NF2: variants seen among roughly 807,000 people sequenced by gnomAD.
NF2 encodes the protein NF2, moesin-ezrin-radixin like (MERLIN) tumor suppressor.
A neutral mutation model predicts 83.7 loss-of-function variants in NF2; 8 were observed. The observed-to-expected ratio is 0.10, with a 90% CI of 0.06 to 0.17. The LOEUF (loss-of-function observed/expected upper bound fraction) is 0.17, where lower values mean the gene tolerates loss of function less well. Ranked by LOEUF, NF2 falls within the 10% of genes least tolerant of loss-of-function variation. The pLI, the probability that NF2 is intolerant of heterozygous loss-of-function variation, is 1.00. For synonymous variants in NF2, 266 were observed against 269.6 expected, an observed-to-expected ratio of 0.99 and a Z score of 0.13; for missense variants, 533 against 744.4, an observed-to-expected ratio of 0.72 and a Z score of 3.31.
chr22:29,662,765 A>G lies in NF2; in HGVS notation c.810+1426A>G, dbSNP rs149129654. Among the ~76,000 whole-genome samples the G allele has an allele frequency of 1.5e-3, 236 of 152,370 alleles. 3 individuals carry two copies. In the East Asian group the frequency reaches 0.036, roughly 23 times the overall value. On this transcript the variant is annotated intron_variant, in intron 8 of 15. Transcript: ENST00000338641. ...AGTGAAGTAGCAGAGATTAGGAGCCAGAGTTGCTGATGCCACAGCCCCCGC... is the reference window on the plus strand; with the variant it reads ...AGTGAAGTAGCAGAGATTAGGAGCCGGAGTTGCTGATGCCACAGCCCCCGC...
At chr22:29,689,388 G>A (rs1031548379) in intron 15 of NF2, among the ~76,000 whole-genome samples, 3 of 151,896 alleles carry the variant, frequency 2.0e-5, no homozygotes, top group African/African-American at 4.8e-5. Context: ...CTGTGGATCC[G>A]GTGCCAGAGG....
intron 1 of NF2, among the ~76,000 whole-genome samples, chr22:29,624,809 CTTTCTTTCTTTCTT>C: frequency 1.3e-5 from 1 of 78,452 alleles, no homozygotes; most frequent in East Asian, 3.6e-4. Flanking sequence ...CTCTTTCTTT[CTTTCTTTCTTTCTT>C]TCTTTCTTTC....
chr22:29,626,556 G>A (rs1020993434), intron 1 of NF2, among the ~76,000 whole-genome samples: 2 of 152,102 alleles, frequency 1.3e-5, no homozygotes, highest in African/African-American at 4.8e-5. Flanking sequence ...TTAATCAAAA[G>A]GTCAAGCTAG....
intron 14 of NF2, among the ~76,000 whole-genome samples, chr22:29,680,257 G>T (rs2530677): frequency 6.6e-6 from 1 of 151,914 alleles, no homozygotes; most frequent in Non-Finnish European, 1.5e-5. Context: ...GATTACAGGC[G>T]CATGCTATCA....
intron 1 of NF2, among the ~76,000 whole-genome samples, chr22:29,606,538 C>G (rs1319063578): frequency 1.3e-5 from 2 of 152,230 alleles, no homozygotes; most frequent in East Asian, 3.8e-4. Flanking sequence ...CAGATAGCTC[C>G]TAATCTCTTT....
chr22:29,626,043 T>C (rs2065358248), intron 1 of NF2, among the ~76,000 whole-genome samples: 1 of 152,194 alleles, frequency 6.6e-6, no homozygotes, highest in African/African-American at 2.4e-5. Flanking sequence ...TGGTTTTAAA[T>C]TCACCAACAG....
At chr22:29,649,732 G>T (rs554350922) in intron 4 of NF2, among the ~76,000 whole-genome samples, 3 of 148,884 alleles carry the variant, frequency 2.0e-5, no homozygotes, top group South Asian at 4.2e-4. Context: ...GACAGAGTGA[G>T]ACTCTGTCTG....
intron 1 of NF2, among the ~76,000 whole-genome samples, chr22:29,611,784 T>G (rs1433876340): frequency 6.6e-6 from 1 of 152,152 alleles, no homozygotes; most frequent in African/African-American, 2.4e-5. Flanking sequence ...ATTAGTTTAG[T>G]AAGGTTATAG....
rs2067483194 is a variant in NF2 at position 29,694,222 on chromosome 22, C to T, written c.1738-530C>T. Among the ~76,000 whole-genome samples the T allele has an allele frequency of 6.6e-6, 1 of 152,212 alleles. No individual in the cohort carries two copies. Among genetic ancestry groups the T allele is most frequent in the Non-Finnish European group, 1.5e-5 (1 of 68,036 alleles). On this transcript the variant is annotated intron_variant, in intron 15 of 15. Transcript: ENST00000338641. The surrounding 1 kb of genome is among the most constrained non-coding windows in gnomAD (Gnocchi z 4.1). ...CGTCATGAGCAAGTTTGCTTCGGGA[C>T]CACCTGGGAAACCAGGAGTAGAAGG...
chr22:29,692,245 C>T (rs573211512), intron 15 of NF2, among the ~76,000 whole-genome samples: 9 of 152,316 alleles, frequency 5.9e-5, no homozygotes, highest in Non-Finnish European at 1.5e-5. Flanking sequence ...TCTCTCCTGC[C>T]CAGTGGCTGT....
At position 29,678,213 on chromosome 22, in the gene NF2, A is replaced by T; in HGVS notation, c.1464A>T (p.Pro488=). 1.9e-6 allele frequency: 3 copies of T among 1,614,126 alleles called. No individual in the cohort carries two copies. Among genetic ancestry groups the T allele is most frequent in the Non-Finnish European group, 2.5e-6 (3 of 1,179,982 alleles). The change falls in exon 14 of 16, where the codon CCA becomes CCT. Residue 488 remains proline, a synonymous_variant. Transcript: ENST00000338641. ...KPTYPPMNPI[P]APLPPDIPSF... is the part of the protein sequence containing the mutation. ...ATTAACAGCCCATGAACCCAATTCC[A>T]GCACCGTTGCCTCCTGACATACCAA...
Position 29,695,209 on chromosome 22 carries a change from C to A in NF2, c.*407C>A, listed in dbSNP as rs994499826. On this transcript the variant is annotated 3_prime_UTR_variant, in exon 16 of 16. Transcript: ENST00000338641. This position sits in a 1 kb window ranked among gnomAD's most constrained non-coding sequence, Gnocchi z 5.4. The stretch of plus-strand genomic sequence containing the variant: ...AGAAGCCAGTGCCATCATCCCCACC[C>A]CGCCCAGGGTTCCGGAACATTCATT... 2.6e-6 allele frequency: 1 copy of A among 390,592 alleles called. No individual in the cohort carries two copies. The highest frequency in any genetic ancestry group is 3.1e-5 in the South Asian group (1 of 31,872). 24.2% of individuals were successfully genotyped at this position (390,592 alleles called of 1,614,324 possible). A position where few individuals can be genotyped will look rare whatever the true frequency, so the allele number is the denominator to read the frequency against.
chr22:29,650,815 C>G (rs2066127963), intron 4 of NF2, among the ~76,000 whole-genome samples: 1 of 152,174 alleles, frequency 6.6e-6, no homozygotes, highest in Admixed American at 6.5e-5. Flanking sequence ...GTTGGCCAGA[C>G]TGGTCTGGAA....
At chr22:29,653,596 C>G (rs921639924) in intron 4 of NF2, among the ~76,000 whole-genome samples, 18 of 152,104 alleles carry the variant, frequency 1.2e-4, no homozygotes, top group African/African-American at 4.3e-4. Flanking sequence ...GGGAATGAGA[C>G]ATGATTTAAA....
chr22:29,680,644 G>A (rs1375567790), intron 14 of NF2, among the ~76,000 whole-genome samples: 1 of 152,224 alleles, frequency 6.6e-6, no homozygotes, highest in Admixed American at 6.5e-5. Context: ...CTGTTCTCAG[G>A]TGAGGGTGGG....
At chr22:29,679,939 CG>C (rs2067078922) in intron 14 of NF2, among the ~76,000 whole-genome samples, 1 of 151,936 alleles carries the variant, frequency 6.6e-6, no homozygotes, top group Admixed American at 6.6e-5. Context: ...GATCAAGGCA[CG>C]GGCAGAGGTG....
At chr22:29,671,383 G>T (rs1231397727) in intron 10 of NF2, among the ~76,000 whole-genome samples, 1 of 152,106 alleles carries the variant, frequency 6.6e-6, no homozygotes, top group African/African-American at 2.4e-5. Flanking sequence ...ACAAAAATTA[G>T]CCAGGCATGG....
intron 1 of NF2, among the ~76,000 whole-genome samples, chr22:29,628,096 T>A (rs1259418768): frequency 6.6e-6 from 1 of 151,878 alleles, no homozygotes; most frequent in Non-Finnish European, 1.5e-5. Context: ...TTATGGAGTA[T>A]CCACAGATTA....
intron 3 of NF2, among the ~76,000 whole-genome samples, chr22:29,640,033 A>G (rs529553053): frequency 2.6e-4 from 39 of 150,964 alleles, no homozygotes; most frequent in African/African-American, 9.2e-4. Flanking sequence ...CATGTCTACT[A>G]AAAATACAAA....
Sources: gnomAD v4.1 joint callset for allele counts (sites outside exome capture counted in the v4.1 genomes callset) on GRCh38, gnomAD v4.1.1 for gene constraint, Gnocchi (gnomAD v3.1) non-coding constraint, MANE v1.5 for transcripts, NCBI Gene and HGNC (gene_info 2026-07-23, HGNC 2026-07-21) for gene names.